Variants in ZFPM2 observed in about 807,000 individuals in gnomAD.
ZFPM2 encodes zinc finger protein ZFPM2.
A neutral mutation model predicts 98.6 loss-of-function variants in ZFPM2; 20 were observed. The observed-to-expected ratio is 0.20, with a 90% CI of 0.14 to 0.29. ZFPM2 has a LOEUF of 0.29. ZFPM2 is among the 10% of genes least tolerant of loss of function. The probability of loss-of-function intolerance (pLI) is 1.00; values close to 1 mark genes in which losing one functional copy is unlikely to be tolerated. For missense variants in ZFPM2, 1,310 were observed against 1,388.6 expected, an observed-to-expected ratio of 0.94 and a Z score of 0.90; for synonymous variants, 518 against 502.7, an observed-to-expected ratio of 1.03 and a Z score of -0.41.
chr8:105,721,345 A>C (rs1237277847), intron 5 of ZFPM2, among the ~76,000 whole-genome samples: 1 of 151,990 alleles, frequency 6.6e-6, no homozygotes, highest in African/African-American at 2.4e-5. Flanking sequence ...AACTGCCCCA[A>C]GGCACAGCAC....
At chr8:105,704,459 A>G (rs1204366452) in intron 5 of ZFPM2, among the ~76,000 whole-genome samples, 1 of 152,158 alleles carries the variant, frequency 6.6e-6, no homozygotes, top group Non-Finnish European at 1.5e-5. Flanking sequence ...TGAAAGATGC[A>G]GAATTAAGCT....
intron 5 of ZFPM2, among the ~76,000 whole-genome samples, chr8:105,773,116 A>G (rs770501461): frequency 6.6e-6 from 1 of 152,196 alleles, no homozygotes; most frequent in Non-Finnish European, 1.5e-5. Context: ...GCTGACTTCA[A>G]GGAATGCACT....
chr8:105,322,354 G>A (rs992247643), intron 1 of ZFPM2, among the ~76,000 whole-genome samples: 7 of 151,746 alleles, frequency 4.6e-5, no homozygotes, highest in Admixed American at 3.9e-4. Flanking sequence ...TCTTCTTCAA[G>A]CTGTTGTCTC....
intron 3 of ZFPM2, among the ~76,000 whole-genome samples, chr8:105,489,394 ATT>A (rs1293124996): frequency 6.8e-6 from 1 of 146,354 alleles, no homozygotes. Flanking sequence ...ATAGATATAT[ATT>A]TTATATATAT....
chr8:105,470,996 G>A (rs1380046640), intron 3 of ZFPM2, among the ~76,000 whole-genome samples: 1 of 152,046 alleles, frequency 6.6e-6, no homozygotes, highest in African/African-American at 2.4e-5. Context: ...CCTACTCCAT[G>A]AGGTATGGCT....
intron 1 of ZFPM2, among the ~76,000 whole-genome samples, chr8:105,373,687 TAAC>T (rs371564671): frequency 2.6e-3 from 390 of 152,166 alleles, no homozygotes; most frequent in African/African-American, 9.0e-3. Context: ...AGAAAAGCTA[TAAC>T]AACAACAACT....
At chr8:105,635,032 C>T (rs1278170978) in intron 5 of ZFPM2, among the ~76,000 whole-genome samples, 6 of 152,184 alleles carry the variant, frequency 3.9e-5, no homozygotes, top group Admixed American at 1.3e-4. Flanking sequence ...TAGCACAGGA[C>T]CTTCCTCACG....
intron 2 of ZFPM2, among the ~76,000 whole-genome samples, chr8:105,421,722 A>G (rs1370638843): frequency 3.3e-5 from 5 of 152,164 alleles, no homozygotes; most frequent in African/African-American, 1.2e-4. Context: ...ATTATGTTTT[A>G]TTGCCAATTG....
chr8:105,682,610 G>GGGA (rs1197547957), intron 5 of ZFPM2, among the ~76,000 whole-genome samples: 1 of 152,098 alleles, frequency 6.6e-6, no homozygotes, highest in African/African-American at 2.4e-5. Context: ...GTAGAGAATA[G>GGGA]GGAGACAGGA....
chr8:105,685,153 A>G (rs1478205110), intron 5 of ZFPM2, among the ~76,000 whole-genome samples: 1 of 152,048 alleles, frequency 6.6e-6, no homozygotes, highest in Non-Finnish European at 1.5e-5. Context: ...GAAATGTTCT[A>G]TTTTTTTACT....
intron 4 of ZFPM2, among the ~76,000 whole-genome samples, chr8:105,611,203 G>A (rs898982916): frequency 6.6e-6 from 1 of 152,142 alleles, no homozygotes; most frequent in African/African-American, 2.4e-5. Context: ...TTAGCCAAGA[G>A]AGCCACTGGA....
At chr8:105,642,788 A>G (rs1816972370) in intron 5 of ZFPM2, among the ~76,000 whole-genome samples, 1 of 152,202 alleles carries the variant, frequency 6.6e-6, no homozygotes, top group Non-Finnish European at 1.5e-5. Context: ...TCAGTCTCAT[A>G]CAGTCAACAA....
At chr8:105,530,513 C>T (rs1814275171) in intron 3 of ZFPM2, among the ~76,000 whole-genome samples, 1 of 152,138 alleles carries the variant, frequency 6.6e-6, no homozygotes, top group Non-Finnish European at 1.5e-5. Context: ...TGAGGGGTTT[C>T]TTCCTGACTT....
At chr8:105,423,244 A>G (rs906832620) in intron 2 of ZFPM2, among the ~76,000 whole-genome samples, 2 of 152,166 alleles carry the variant, frequency 1.3e-5, no homozygotes, top group African/African-American at 4.8e-5. Flanking sequence ...CATCTCAGAG[A>G]TACCCTTGTT....
chr8:105,389,032 GT>G (rs1811056518), intron 1 of ZFPM2, among the ~76,000 whole-genome samples: 2 of 148,030 alleles, frequency 1.4e-5, no homozygotes, highest in South Asian at 4.2e-4. Context: ...GTGTGTGTGT[GT>G]GTGTGTGTGT....
chr8:105,394,937 C>T (rs1448184530), intron 1 of ZFPM2, among the ~76,000 whole-genome samples: 5 of 152,120 alleles, frequency 3.3e-5, no homozygotes, highest in African/African-American at 2.4e-5. Flanking sequence ...TCTCTGGAAT[C>T]GTGTATGTGT....
In ZFPM2 at chr8:105,803,092, A is replaced by G. The variant is rs1477871949; in HGVS notation, c.3010A>G (p.Ile1004Val). The G allele has an allele frequency of 6.2e-7, 1 of 1,613,926 alleles. No homozygotes were observed. Among genetic ancestry groups the G allele is most frequent in the Non-Finnish European group, 8.5e-7 (1 of 1,179,856 alleles). ...SGSLVIHNTD[I>V]EQSRNAENES... ...TTCTCTTGTCATCCATAACACTGACATCGAGCAAAGCAGAAATGCAGAAAA... is the reference window on the plus strand; with the variant it reads ...TTCTCTTGTCATCCATAACACTGACGTCGAGCAAAGCAGAAATGCAGAAAA... Residue 1004 changes from isoleucine to valine, a missense_variant, in exon 8 of 8, where the codon ATC becomes GTC. Transcript: ENST00000407775.
chr8:105,574,356 A>G (rs1397576898), intron 4 of ZFPM2, among the ~76,000 whole-genome samples: 1 of 152,236 alleles, frequency 6.6e-6, no homozygotes, highest in Non-Finnish European at 1.5e-5. Context: ...TAAGTGGTCA[A>G]ACTGCCTTTT....
At chr8:105,692,630 G>T (rs570207630) in intron 5 of ZFPM2, among the ~76,000 whole-genome samples, 2 of 152,276 alleles carry the variant, frequency 1.3e-5, no homozygotes, top group South Asian at 4.1e-4. Flanking sequence ...AAAGCCAAAG[G>T]GTTGGAATTG....
Sources: allele counts gnomAD v4.1 joint callset (sites outside exome capture counted in the v4.1 genomes callset), GRCh38; gene constraint gnomAD v4.1.1; transcripts MANE v1.5; gene names NCBI Gene and HGNC (gene_info 2026-07-23, HGNC 2026-07-21).